TRPM8: variants seen among roughly 807,000 people sequenced by gnomAD.
TRPM8 encodes TRPM8 cationic channel.
In TRPM8, 110 loss-of-function variants were observed where a neutral mutation model predicts 133.7. That is an observed-to-expected ratio of 0.82 (90% confidence interval 0.70 to 0.96). TRPM8 has a LOEUF of 0.96. Among genes scored for constraint, TRPM8 ranks in the 40% least tolerant of loss-of-function variants. The probability of loss-of-function intolerance (pLI) is 0.00; values close to 1 mark genes in which losing one functional copy is unlikely to be tolerated. For synonymous variants in TRPM8, 535 were observed against 532.3 expected (o/e 1.01, Z -0.07); for missense variants, 1,291 against 1,379.5 (o/e 0.94, Z 1.02).
chr2:233,992,150 G>A (rs192091082), intron 21 of TRPM8, among the ~76,000 whole-genome samples: 37 of 152,184 alleles, frequency 2.4e-4, no homozygotes, highest in African/African-American at 7.0e-4. Context: ...GTTTTGGTAC[G>A]TAAGAAGGTT....
chr2:233,941,374 T>C (rs1690901238), intron 5 of TRPM8, among the ~76,000 whole-genome samples: 2 of 152,226 alleles, frequency 1.3e-5, no homozygotes, highest in Admixed American at 1.3e-4. Context: ...GCTGGATTTA[T>C]GCCCCGTGAG....
At chr2:233,945,104 T>C (rs1283999434) in intron 6 of TRPM8, among the ~76,000 whole-genome samples, 2 of 152,222 alleles carry the variant, frequency 1.3e-5, no homozygotes. Context: ...TCTGTTCTCC[T>C]TGAATTTTGG....
At chr2:234,009,877 T>G (rs1692791800) in intron 24 of TRPM8, among the ~76,000 whole-genome samples, 1 of 152,230 alleles carries the variant, frequency 6.6e-6, no homozygotes, top group Admixed American at 6.5e-5. Flanking sequence ...AATTTGATGC[T>G]TTGATGCATG....
intron 15 of TRPM8, chr2:233,968,340 A>G (rs971409931): frequency 6.6e-6 from 1 of 152,440 alleles, no homozygotes; most frequent in Non-Finnish European, 1.5e-5. Context: ...GGACAGGGAC[A>G]GACAAGATGT....
At chr2:233,918,606 G>T (rs566930430) in intron 1 of TRPM8, among the ~76,000 whole-genome samples, 48 of 152,116 alleles carry the variant, frequency 3.2e-4, no homozygotes, top group African/African-American at 1.1e-3. Flanking sequence ...CAATGACTTC[G>T]GGAGCCTCCA....
chr2:233,923,532 G>A (rs959536944), intron 1 of TRPM8, among the ~76,000 whole-genome samples: 1 of 152,096 alleles, frequency 6.6e-6, no homozygotes, highest in Non-Finnish European at 1.5e-5. Context: ...CAATGCTGCC[G>A]GCACCAGGTT....
intron 17 of TRPM8, among the ~76,000 whole-genome samples, chr2:233,979,924 A>C (rs1403009113): frequency 1.3e-5 from 2 of 152,110 alleles, no homozygotes; most frequent in East Asian, 3.9e-4. Flanking sequence ...GTTCCTCTTG[A>C]AAAAATGGTG....
At chr2:233,979,365 T>C (rs1691949945) in intron 17 of TRPM8, among the ~76,000 whole-genome samples, 1 of 152,234 alleles carries the variant, frequency 6.6e-6, no homozygotes, top group Non-Finnish European at 1.5e-5. Flanking sequence ...CCAGTGTTTC[T>C]GTGTGCCGGG....
intron 3 of TRPM8, among the ~76,000 whole-genome samples, chr2:233,932,214 G>A (rs770371720): frequency 6.6e-6 from 1 of 152,204 alleles, no homozygotes; most frequent in African/African-American, 2.4e-5. Context: ...CAACGTCGCC[G>A]AGACTCTGTC....
At position 233,957,946 on chromosome 2, in the gene TRPM8, A is replaced by G. The variant is rs143478263; in HGVS notation, c.1362+2696A>G. On this transcript the variant is annotated intron_variant, in intron 11 of 25. Transcript: ENST00000324695. ...GTACTTATCTCCTTGGGCTGTTATGATGATTAAATCAGATAATATTTCTAA... is the reference window on the plus strand; with the variant it reads ...GTACTTATCTCCTTGGGCTGTTATGGTGATTAAATCAGATAATATTTCTAA... Among the ~76,000 whole-genome samples the G allele has an allele frequency of 6.8e-3, 1,040 of 152,356 alleles. 10 individuals are homozygous for G. Among genetic ancestry groups the G allele is most frequent in the African/African-American group, 0.023 (972 of 41,586 alleles).
At chr2:233,927,625 C>T (rs1417506039) in intron 2 of TRPM8, among the ~76,000 whole-genome samples, 1 of 152,154 alleles carries the variant, frequency 6.6e-6, no homozygotes, top group African/African-American at 2.4e-5. Flanking sequence ...TCCTTCAACC[C>T]CAGTGACGAA....
At chr2:233,980,081 A>G (rs1042344877) in intron 17 of TRPM8, 107 bp from the exon 18 acceptor site, 3 of 775,248 alleles carry the variant, frequency 3.9e-6, no homozygotes, top group Non-Finnish European at 4.3e-6. Context: ...CAAACACGTC[A>G]TTGGCTCAAA....
In TRPM8 at chr2:233,947,113, C is replaced by T; in HGVS notation, c.900C>T (p.Pro300=). 1.2e-6 allele frequency: 2 copies of T among 1,614,074 alleles called. No individual in the cohort carries two copies. Among genetic ancestry groups the T allele is most frequent in the South Asian group, 2.2e-5 (2 of 91,072 alleles). The part of the protein sequence containing the change: ...IQDSNYGGKI[P]IVCFAQGGGK... ...ATTCCAACTATGGTGGCAAGATCCCCATTGTGTGTTTTGCCCAAGGAGGTG... is the reference window on the plus strand; with the variant it reads ...ATTCCAACTATGGTGGCAAGATCCCTATTGTGTGTTTTGCCCAAGGAGGTG... Residue 300 remains proline (P), a synonymous_variant, in exon 8 of 26, where the codon CCC becomes CCT. Transcript: ENST00000324695.
rs1181265770 is a variant in TRPM8, at chr2:233,955,218, G to A, written c.1330G>A (p.Asp444Asn). 2 of 1,614,130 alleles carry A rather than the reference G, an allele frequency of 1.2e-6. No homozygotes were observed. The highest frequency in any genetic ancestry group is 1.7e-5 in the Admixed American group (1 of 60,030). ...GTGGAACCAGCTGGACTTAGCCAAT[G>A]ATGAGATTTTCACCAATGACCGCCG... ...LEWNQLDLAN[D>N]EIFTNDRRWE... Residue 444 changes from aspartate (D) to asparagine (N), a missense_variant, in exon 11 of 26, where the codon GAT (aspartate) becomes AAT (asparagine). Coordinates refer to ENST00000324695, the MANE Select transcript of TRPM8 (RefSeq NM_024080.5).
chr2:234,006,842 C>T lies in TRPM8; in HGVS notation c.3131-11C>T, dbSNP rs768725298. 6.3e-7 allele frequency: 1 copy of T among 1,593,768 alleles called. No individual in the cohort carries two copies. Among genetic ancestry groups the T allele is most frequent in the South Asian group, 1.1e-5 (1 of 90,010 alleles). On this transcript the variant is annotated splice_polypyrimidine_tract_variant and intron_variant, in intron 22 of 25. Transcript: ENST00000324695. ...AACAATTTGAATGTTTTCTTTTTCT[C>T]ATTATTCAAGGTTTCAAAAATGAAG... is the stretch of plus-strand genomic sequence containing the variant.
At chr2:234,014,349 G>T (rs1692908881) in intron 24 of TRPM8, among the ~76,000 whole-genome samples, 1 of 152,070 alleles carries the variant, frequency 6.6e-6, no homozygotes, top group Non-Finnish European at 1.5e-5. Context: ...TTTACTAATT[G>T]GTTACTAATT....
At chr2:233,982,993 G>A (rs1169583647) in intron 19 of TRPM8, 60 bp from the exon 20 acceptor site, 19 of 1,558,496 alleles carry the variant, frequency 1.2e-5, no homozygotes, top group East Asian at 4.5e-5. Context: ...CGGCCGGGCC[G>A]GGGGGACTTG....
In TRPM8 at chr2:233,977,608, G is replaced by A. The variant is rs1272811720; in HGVS notation, c.2356-2580G>A. ...GCACCAGAAGAGCAAATGGTTGTTG[G>A]TGAGGGGTCCCTGGGGCTGCTAGCA... On this transcript the variant is annotated intron_variant, in intron 17 of 25. Transcript: ENST00000324695. Among the ~76,000 whole-genome samples, 7 of 152,300 alleles carry A rather than the reference G, an allele frequency of 4.6e-5. No homozygotes were observed. The South Asian group carries it at 1.5e-3, about 32-fold the overall frequency.
intron 1 of TRPM8, among the ~76,000 whole-genome samples, chr2:233,921,224 G>A (rs1003757): frequency 0.24 from 37,046 of 151,892 alleles, 7,625 homozygotes; most frequent in African/African-American, 0.55. Context: ...ATTTTATCAC[G>A]TCAGTAGATT....
Sources: allele counts gnomAD v4.1 joint callset (sites outside exome capture counted in the v4.1 genomes callset), GRCh38; gene constraint gnomAD v4.1.1; transcripts MANE v1.5; gene names NCBI Gene and HGNC (gene_info 2026-07-23, HGNC 2026-07-21).